The following ANKRD62 variants were observed in gnomAD, a reference collection of about 807,000 sequenced individuals.
ANKRD62 encodes the protein ankyrin repeat domain-containing protein 62.
Under a neutral mutation model 98.8 loss-of-function variants are expected in ANKRD62, and 61 were observed. The observed-to-expected ratio is 0.62, with a 90% CI of 0.50 to 0.76. The LOEUF (loss-of-function observed/expected upper bound fraction) is 0.76, where lower values mean the gene tolerates loss of function less well. Among genes scored for constraint, ANKRD62 ranks in the 30% least tolerant of loss-of-function variants. ANKRD62 has a pLI of 0.00. For synonymous variants in ANKRD62, 341 were observed against 367.9 expected (o/e 0.93, Z 0.84); for missense variants, 933 against 1,082.9 (o/e 0.86, Z 1.94).
chr18:12,099,936 G>A (rs930129218), intron 6 of ANKRD62, among the ~76,000 whole-genome samples: 2 of 152,032 alleles, frequency 1.3e-5, no homozygotes, highest in Non-Finnish European at 2.9e-5. Context: ...TGATATTTTT[G>A]TGTAAATAAG....
At chr18:12,102,730 T>G in intron 6 of ANKRD62, 1 of 1,008,968 alleles carries the variant, frequency 9.9e-7, no homozygotes, top group Non-Finnish European at 1.2e-6. Context: ...GTATAAGCAG[T>G]AACAGTCATA....
the ANKRD62 span, among the ~76,000 whole-genome samples, chr18:12,169,979 C>T: frequency 3.3e-5 from 5 of 152,034 alleles, 1 homozygote; most frequent in South Asian, 1.0e-3. Context: ...GGTGATATCC[C>T]CTTTATCATT....
the ANKRD62 span, among the ~76,000 whole-genome samples, chr18:12,177,772 A>G: frequency 6.8e-6 from 1 of 146,136 alleles, no homozygotes; most frequent in Non-Finnish European, 1.5e-5. Context: ...CATGAGAGAC[A>G]AGAAAGCCTG....
Position 12,125,739 on chromosome 18 carries a change from C to T in ANKRD62, c.1918C>T (p.Gln640Ter). 1.3e-6 allele frequency: 2 copies of T among 1,544,944 alleles called. No homozygotes were observed. The highest frequency in any genetic ancestry group is 1.7e-6 in the Non-Finnish European group (2 of 1,146,934). The part of the protein sequence containing the change: ...DENTMLNSEL[Q>*]KEKQSMSRLE... Reference sequence around the variant, plus strand: ...GAATACAATGCTCAATTCTGAGCTACAGAAGGAAAAACAAAGCATGTCAAG... The same window carrying T: ...GAATACAATGCTCAATTCTGAGCTATAGAAGGAAAAACAAAGCATGTCAAG... The change falls in exon 13 of 14, where the codon CAG becomes TAG. Residue 640 changes from glutamine to a stop codon, truncating the protein, a stop_gained. Coordinates refer to ENST00000587848, the MANE Select transcript of ANKRD62 (RefSeq NM_001277333.2). LOFTEE classifies it high-confidence loss of function.
chr18:12,121,876 G>A (rs1229637126), intron 10 of ANKRD62, among the ~76,000 whole-genome samples: 2 of 152,188 alleles, frequency 1.3e-5, no homozygotes, highest in African/African-American at 4.8e-5. Flanking sequence ...GAAGCAGATT[G>A]CCGCAGAGCT....
the ANKRD62 span, among the ~76,000 whole-genome samples, chr18:12,137,676 T>A: frequency 6.6e-6 from 1 of 152,146 alleles, no homozygotes; most frequent in Admixed American, 6.6e-5. Flanking sequence ...TCCATCTGGT[T>A]CTGGACTTTT....
At chr18:12,175,989 C>G in the ANKRD62 span, among the ~76,000 whole-genome samples, 4 of 151,636 alleles carry the variant, frequency 2.6e-5, no homozygotes, top group Non-Finnish European at 5.9e-5. Context: ...GTCAGGAGTT[C>G]AAGACTAGCC....
chr18:12,140,475 G>C, the ANKRD62 span, among the ~76,000 whole-genome samples: 7 of 152,150 alleles, frequency 4.6e-5, no homozygotes, highest in Non-Finnish European at 7.3e-5. Flanking sequence ...CATCTTTGTG[G>C]TTTTATCTAC....
chr18:12,114,948 TA>T, intron 8 of ANKRD62, 139 bp from the exon 9 acceptor site: 3 of 673,538 alleles, frequency 4.5e-6, no homozygotes, highest in African/African-American at 3.7e-5. Flanking sequence ...GCATCACCTG[TA>T]AAAACATTAC....
chr18:12,152,704 T>G, the ANKRD62 span, among the ~76,000 whole-genome samples: 2 of 152,190 alleles, frequency 1.3e-5, no homozygotes, highest in African/African-American at 2.4e-5. Context: ...CCACTCATAT[T>G]CAACACAGTA....
the ANKRD62 span, among the ~76,000 whole-genome samples, chr18:12,164,117 T>C: frequency 6.6e-6 from 1 of 151,974 alleles, no homozygotes; most frequent in East Asian, 1.9e-4. Flanking sequence ...AATTCAGCAG[T>C]GAAGCCATTG....
chr18:12,121,826 G>T (rs1447951017), intron 10 of ANKRD62, among the ~76,000 whole-genome samples: 4 of 152,182 alleles, frequency 2.6e-5, no homozygotes, highest in African/African-American at 9.7e-5. Context: ...GTTGTTTCAG[G>T]TAAGGAGGAA....
chr18:12,178,210 A>G, the ANKRD62 span, among the ~76,000 whole-genome samples: 4 of 151,244 alleles, frequency 2.6e-5, no homozygotes, highest in Non-Finnish European at 4.4e-5. Context: ...AATTACCTGG[A>G]GAGGTGAGGA....
chr18:12,151,429 G>A, the ANKRD62 span, among the ~76,000 whole-genome samples: 1 of 152,172 alleles, frequency 6.6e-6, no homozygotes, highest in East Asian at 1.9e-4. Context: ...GACCAAGTGG[G>A]TCTGATAGAC....
the ANKRD62 span, among the ~76,000 whole-genome samples, chr18:12,138,026 T>A: frequency 2.0e-5 from 3 of 152,140 alleles, no homozygotes; most frequent in Non-Finnish European, 2.9e-5. Flanking sequence ...TTTGAAGGGT[T>A]TTTTGTGTCT....
At chr18:12,098,749 A>G (rs796485291) in intron 5 of ANKRD62, among the ~76,000 whole-genome samples, 5 of 152,348 alleles carry the variant, frequency 3.3e-5, no homozygotes, top group African/African-American at 1.2e-4. Flanking sequence ...ATGAAAAAAT[A>G]ACCACTTGCA....
Position 12,094,005 on chromosome 18 carries a change from C to G in ANKRD62, c.-13C>G, listed in dbSNP as rs750624899. The G allele has an allele frequency of 1.5e-4, 228 of 1,534,532 alleles. No individual in the cohort carries two copies. The highest frequency in any genetic ancestry group is 2.0e-4 in the Non-Finnish European group (225 of 1,146,620). ...GCCGTTCCTCAGCCTGGGAGAAGAT[C>G]TCTGGCTTCAGGATGGAGGTCAGGG... On this transcript the variant is annotated 5_prime_UTR_variant, in exon 1 of 14. It adds an upstream start codon to the 5' untranslated region. Coordinates refer to ENST00000587848, the MANE Select transcript of ANKRD62 (RefSeq NM_001277333.2).
the ANKRD62 span, among the ~76,000 whole-genome samples, chr18:12,153,593 GA>G: frequency 9.8e-3 from 629 of 64,034 alleles, 2 homozygotes; most frequent in African/African-American, 0.025. Context: ...CTCTGCCTGG[GA>G]AAAAAAAAAA....
chr18:12,094,335 G>A, intron 1 of ANKRD62, 100 bp downstream of exon 1: 1 of 603,562 alleles, frequency 1.7e-6, no homozygotes, highest in Non-Finnish European at 2.3e-6. Flanking sequence ...TGAAGGCGTG[G>A]GTGGGGTGGA....
Sources: allele counts gnomAD v4.1 joint callset (sites outside exome capture counted in the v4.1 genomes callset), GRCh38; gene constraint gnomAD v4.1.1; transcripts MANE v1.5; gene names NCBI Gene and HGNC (gene_info 2026-07-23, HGNC 2026-07-21).